TUSC3: variants seen among roughly 807,000 people sequenced by gnomAD.
The protein encoded by TUSC3 is dolichyl-diphosphooligosaccharide--protein glycosyltransferase subunit TUSC3.
TUSC3 carries 45 observed loss-of-function variants against 44.8 expected under a neutral mutation model. The ratio of observed to expected loss-of-function variants is 1.00; its 90% confidence interval spans 0.79 to 1.29. The LOEUF (loss-of-function observed/expected upper bound fraction) is 1.29. Among genes scored for constraint, TUSC3 ranks in the 50% most tolerant of loss-of-function variants. The pLI is 0.00. For missense variants in TUSC3, 519 were observed against 437.9 expected, an observed-to-expected ratio of 1.19 and a Z score of -1.65; for synonymous variants, 212 against 152.9, an observed-to-expected ratio of 1.39 and a Z score of -2.85.
At chr8:15,788,635 C>T in the TUSC3 span, among the ~76,000 whole-genome samples, 1 of 151,976 alleles carries the variant, frequency 6.6e-6, no homozygotes, top group African/African-American at 2.4e-5. Context: ...CTGCCTACCC[C>T]GGGGCTGATG....
At chr8:15,813,615 G>C in the TUSC3 span, among the ~76,000 whole-genome samples, 4 of 152,126 alleles carry the variant, frequency 2.6e-5, no homozygotes, top group Non-Finnish European at 4.4e-5. Flanking sequence ...GAATGTATAT[G>C]ATTCTAAGAA....
At chr8:15,696,123 C>T (rs1336733286) in intron 6 of TUSC3, among the ~76,000 whole-genome samples, 1 of 152,172 alleles carries the variant, frequency 6.6e-6, no homozygotes, top group African/African-American at 2.4e-5. Flanking sequence ...TGTTAAAGGT[C>T]TTCAGGGCAG....
At chr8:15,499,145 A>T (rs978258343) in intron 2 of TUSC3, among the ~76,000 whole-genome samples, 4 of 151,880 alleles carry the variant, frequency 2.6e-5, no homozygotes, top group African/African-American at 9.7e-5. Context: ...TTTCTGGTTC[A>T]CTGTGCCTCT....
intron 1 of TUSC3, among the ~76,000 whole-genome samples, chr8:15,609,898 A>C (rs550903500): frequency 6.6e-6 from 1 of 152,094 alleles, no homozygotes; most frequent in African/African-American, 2.4e-5. Flanking sequence ...ATATATTACT[A>C]TGAATATATT....
chr8:15,712,375 A>G (rs973577517), intron 6 of TUSC3, among the ~76,000 whole-genome samples: 5 of 152,030 alleles, frequency 3.3e-5, no homozygotes, highest in African/African-American at 9.7e-5. Flanking sequence ...TGCTCTTTTC[A>G]GAACTATTTG....
intron 3 of TUSC3, among the ~76,000 whole-genome samples, chr8:15,655,939 A>G (rs1807143007): frequency 6.6e-6 from 1 of 152,156 alleles, no homozygotes; most frequent in Non-Finnish European, 1.5e-5. Flanking sequence ...GAATGAAGAG[A>G]AAGGAAAGAA....
the TUSC3 span, among the ~76,000 whole-genome samples, chr8:15,775,458 C>A: frequency 6.6e-6 from 1 of 151,780 alleles, no homozygotes; most frequent in Admixed American, 6.6e-5. Flanking sequence ...TTTTATGCTA[C>A]CTGCATTTTA....
chr8:15,441,845 G>C (rs1411503663), intron 1 of TUSC3, among the ~76,000 whole-genome samples: 3 of 152,116 alleles, frequency 2.0e-5, no homozygotes, highest in Non-Finnish European at 4.4e-5. Flanking sequence ...GCTTCTCTAA[G>C]CACAATGTCA....
chr8:15,712,443 A>G (rs1809895202), intron 6 of TUSC3, among the ~76,000 whole-genome samples: 1 of 152,066 alleles, frequency 6.6e-6, no homozygotes, highest in African/African-American at 2.4e-5. Flanking sequence ...TGAAATTCAC[A>G]TCGAGTTTAA....
Position 15,486,344 on chromosome 8 carries a change from TTG to T in TUSC3, n.189+2864_189+2865del, listed in dbSNP as rs1376516359. On this transcript the variant is annotated intron_variant and non_coding_transcript_variant, in intron 2 of 5. Transcript: ENST00000503191. Reference sequence around the variant, plus strand: ...GTAATTAAAATGTGGTAACTGAAATTTGTGCATATCTGGACTATGCAAAATGA... The same window carrying T: ...GTAATTAAAATGTGGTAACTGAAATTTGCATATCTGGACTATGCAAAATGA... Among the ~76,000 whole-genome samples, 5 of 152,298 alleles carry T rather than the reference TTG, an allele frequency of 3.3e-5. No individual in the cohort carries two copies. In the East Asian group the frequency reaches 7.7e-4, roughly 24 times the overall value.
chr8:15,572,654 T>C (rs1802921987), intron 1 of TUSC3, among the ~76,000 whole-genome samples: 1 of 152,164 alleles, frequency 6.6e-6, no homozygotes, highest in Non-Finnish European at 1.5e-5. Context: ...TTAATCATTT[T>C]TAGCTTTTGA....
chr8:15,688,895 T>G (rs1183518327), intron 6 of TUSC3: 1 of 169,934 alleles, frequency 5.9e-6, no homozygotes, highest in Admixed American at 6.5e-5. Flanking sequence ...ATGTAGTGTT[T>G]CCAGGAGCGG....
intron 1 of TUSC3, among the ~76,000 whole-genome samples, chr8:15,427,265 G>C (rs1186664269): frequency 5.0e-5 from 7 of 140,392 alleles, no homozygotes; most frequent in Admixed American, 3.0e-4. Context: ...ATATAATCCT[G>C]TTACAGGAGG....
At chr8:15,423,217 C>G (rs1462205305) in intron 1 of TUSC3, among the ~76,000 whole-genome samples, 5 of 152,166 alleles carry the variant, frequency 3.3e-5, no homozygotes, top group Non-Finnish European at 2.9e-5. Context: ...GGTACAGACA[C>G]ACATAGATCC....
the TUSC3 span, among the ~76,000 whole-genome samples, chr8:15,818,923 G>A: frequency 6.6e-6 from 1 of 152,078 alleles, no homozygotes; most frequent in East Asian, 1.9e-4. Context: ...AGTCAATATT[G>A]ACAAATTCAT....
intron 6 of TUSC3, among the ~76,000 whole-genome samples, chr8:15,686,333 C>T (rs2129187577): frequency 6.6e-6 from 1 of 152,028 alleles, no homozygotes; most frequent in South Asian, 2.1e-4. Context: ...TTAGCTACTG[C>T]TTGAGGATTG....
At chr8:15,488,064 A>G (rs1442407540) in intron 2 of TUSC3, among the ~76,000 whole-genome samples, 1 of 152,088 alleles carries the variant, frequency 6.6e-6, no homozygotes, top group Admixed American at 6.6e-5. Context: ...CTATAAAATG[A>G]TATGCATTTG....
chr8:15,650,649 A>G, intron 2 of TUSC3, 48 bp from the exon 3 acceptor site: 5 of 1,524,114 alleles, frequency 3.3e-6, no homozygotes, highest in Non-Finnish European at 2.7e-6. Flanking sequence ...TGCTTTGTAG[A>G]TGCTTCAGTA....
chr8:15,713,291 G>A (rs191505036), intron 6 of TUSC3, among the ~76,000 whole-genome samples: 2 of 152,022 alleles, frequency 1.3e-5, no homozygotes, highest in Non-Finnish European at 2.9e-5. Flanking sequence ...ATTTACACTT[G>A]TAAGTATATA....
Sources: gnomAD v4.1 joint callset for allele counts (sites outside exome capture counted in the v4.1 genomes callset) on GRCh38, gnomAD v4.1.1 for gene constraint, MANE v1.5 for transcripts, NCBI Gene and HGNC (gene_info 2026-07-23, HGNC 2026-07-21) for gene names.